C8orf34: variants seen among roughly 807,000 people sequenced by gnomAD.
The protein encoded by C8orf34 is uncharacterized protein C8orf34.
In C8orf34, 65 loss-of-function variants were observed where a neutral mutation model predicts 68.3. That is an observed-to-expected ratio of 0.95 (90% CI 0.78 to 1.17). The LOEUF (loss-of-function observed/expected upper bound fraction) is 1.17, where lower values mean the gene tolerates loss of function less well. Ranked by LOEUF, C8orf34 falls within the 50% of genes most tolerant of loss-of-function variation. C8orf34 has a pLI of 0.00. For synonymous variants in C8orf34, 244 were observed against 241.2 expected (o/e 1.01, Z -0.11); for missense variants, 664 against 655.4 (o/e 1.01, Z -0.14).
intron 3 of C8orf34, among the ~76,000 whole-genome samples, chr8:68,463,937 G>T (rs1409761732): frequency 6.6e-6 from 1 of 152,130 alleles, no homozygotes; most frequent in Non-Finnish European, 1.5e-5. Flanking sequence ...GGAAGTTCTG[G>T]CCAGGGCAAT....
chr8:68,482,500 C>G (rs970410200), intron 4 of C8orf34, among the ~76,000 whole-genome samples: 10 of 152,126 alleles, frequency 6.6e-5, no homozygotes, highest in Admixed American at 2.0e-4. Context: ...GTCTCGAACT[C>G]CTGAGTTCAA....
intron 12 of C8orf34, among the ~76,000 whole-genome samples, chr8:68,804,965 G>T (rs1001039277): frequency 2.6e-5 from 4 of 152,164 alleles, no homozygotes; most frequent in African/African-American, 9.7e-5. Flanking sequence ...GAATTCTGTT[G>T]ATATAGACCA....
intron 6 of C8orf34, among the ~76,000 whole-genome samples, chr8:68,531,389 G>C (rs112083265): frequency 3.2e-4 from 48 of 151,990 alleles, no homozygotes; most frequent in African/African-American, 1.1e-3. Context: ...TCTGCCTTTT[G>C]TTTCTTTTTT....
chr8:68,400,550 T>C (rs1808905503), intron 1 of C8orf34, among the ~76,000 whole-genome samples: 2 of 152,076 alleles, frequency 1.3e-5, no homozygotes, highest in Non-Finnish European at 1.5e-5. Context: ...GATCTATGTG[T>C]CTGTTTGTCT....
In C8orf34 at chr8:68,333,683, AT is replaced by A. The variant is rs144153129; in HGVS notation, c.327+2347del. ...TACTCAATAGTTTTCACAGGAATTG[AT>A]TTGGGTCAGAGGAGGTGCCCAGCAA... On this transcript the variant is annotated intron_variant, in intron 1 of 13. Coordinates refer to ENST00000518698, the MANE Select transcript of C8orf34 (RefSeq NM_052958.4). Among the ~76,000 whole-genome samples the A allele has an allele frequency of 7.8e-3, 1,188 of 152,296 alleles. 18 individuals carry two copies. The highest frequency in any genetic ancestry group is 0.026 in the African/African-American group (1,099 of 41,562).
In C8orf34 at chr8:68,396,712, C is replaced by CAAAAAAAA. The variant is rs56946858; in HGVS notation, c.328-42765_328-42758dup. On this transcript the variant is annotated intron_variant, in intron 1 of 13. Coordinates refer to ENST00000518698, the MANE Select transcript of C8orf34 (RefSeq NM_052958.4). Reference sequence around the variant, plus strand: ...ATTAGTTCCTGCAAAAGCTGCTTGTCAAAAAAAAAAAAAAAAAAAAAAAAA... The same window carrying CAAAAAAAA: ...ATTAGTTCCTGCAAAAGCTGCTTGTCAAAAAAAAAAAAAAAAAAAAAAAAAAAAAAAAA... Among the ~76,000 whole-genome samples the CAAAAAAAA allele has an allele frequency of 6.4e-4, 12 of 18,700 alleles. 1 individual carries two copies. Among genetic ancestry groups the CAAAAAAAA allele is most frequent in the Non-Finnish European group, 9.3e-4 (9 of 9,698 alleles). 12.3% of individuals were successfully genotyped at this position (18,700 alleles called of 152,430 possible). A position where few individuals can be genotyped will look rare whatever the true frequency, so the allele number is the denominator to read the frequency against.
chr8:68,653,921 A>G (rs1186981882), intron 8 of C8orf34, among the ~76,000 whole-genome samples: 1 of 152,278 alleles, frequency 6.6e-6, no homozygotes, highest in Non-Finnish European at 1.5e-5. Flanking sequence ...TGACCAAAAA[A>G]TACTCCAAAA....
chr8:68,545,250 C>T (rs947723087), intron 7 of C8orf34, among the ~76,000 whole-genome samples: 1 of 152,054 alleles, frequency 6.6e-6, no homozygotes, highest in East Asian at 1.9e-4. Flanking sequence ...AAGGGGTTTC[C>T]CCTTTCACTT....
At chr8:68,378,563 C>A (rs561590404) in intron 1 of C8orf34, among the ~76,000 whole-genome samples, 1 of 152,150 alleles carries the variant, frequency 6.6e-6, no homozygotes, top group Non-Finnish European at 1.5e-5. Flanking sequence ...GCTGGGATTA[C>A]GTGCGTGAGC....
At chr8:68,796,905 C>T (rs1406254138) in intron 12 of C8orf34, among the ~76,000 whole-genome samples, 1 of 150,534 alleles carries the variant, frequency 6.6e-6, no homozygotes, top group African/African-American at 2.5e-5. Flanking sequence ...CGGCTCACTG[C>T]AACCTCTGCC....
chr8:68,527,907 G>A (rs1815081329), intron 6 of C8orf34, among the ~76,000 whole-genome samples: 1 of 152,168 alleles, frequency 6.6e-6, no homozygotes, highest in Non-Finnish European at 1.5e-5. Context: ...AGGATCCACA[G>A]GCTGTGGGGC....
chr8:68,619,444 C>A (rs1818324735), intron 7 of C8orf34, among the ~76,000 whole-genome samples: 1 of 152,050 alleles, frequency 6.6e-6, no homozygotes, highest in Non-Finnish European at 1.5e-5. Context: ...CTGTAATAAA[C>A]AAGGCATGCA....
At chr8:68,680,998 G>T (rs910918978) in intron 8 of C8orf34, among the ~76,000 whole-genome samples, 14 of 152,076 alleles carry the variant, frequency 9.2e-5, no homozygotes, top group African/African-American at 3.4e-4. Context: ...GCTAGGAAAA[G>T]AATTTAGTGA....
At chr8:68,446,592 C>A (rs1811135399) in intron 3 of C8orf34, 132 bp downstream of exon 3, 2 of 886,310 alleles carry the variant, frequency 2.3e-6, no homozygotes, top group Non-Finnish European at 1.7e-6. Flanking sequence ...GTGAATTTCA[C>A]TTTTACTCCG....
intron 1 of C8orf34, among the ~76,000 whole-genome samples, chr8:68,350,114 T>A (rs1806448739): frequency 6.6e-6 from 1 of 152,040 alleles, no homozygotes; most frequent in Non-Finnish European, 1.5e-5. Context: ...AGCTATGAAT[T>A]TCGCTCTTAA....
intron 10 of C8orf34, among the ~76,000 whole-genome samples, chr8:68,755,156 A>T (rs1430005372): frequency 6.6e-6 from 1 of 152,196 alleles, no homozygotes. Flanking sequence ...TGTACTAAGC[A>T]TGTATAAGAT....
chr8:68,468,110 C>T (rs1812226239), intron 3 of C8orf34, among the ~76,000 whole-genome samples: 1 of 151,912 alleles, frequency 6.6e-6, no homozygotes, highest in South Asian at 2.1e-4. Flanking sequence ...TTTCAGTTTT[C>T]TTTGCCTTGC....
At chr8:68,502,608 AG>A (rs1813828778) in intron 5 of C8orf34, among the ~76,000 whole-genome samples, 1 of 152,178 alleles carries the variant, frequency 6.6e-6, no homozygotes, top group Non-Finnish European at 1.5e-5. Context: ...GTAAAAGTGG[AG>A]GGAAAAAAAT....
At chr8:68,527,132 G>A (rs1815032355) in intron 6 of C8orf34, among the ~76,000 whole-genome samples, 1 of 152,176 alleles carries the variant, frequency 6.6e-6, no homozygotes, top group Admixed American at 6.5e-5. Flanking sequence ...TTCTCTTGAT[G>A]TGGGATATTA....
Sources: gnomAD v4.1 joint callset for allele counts (sites outside exome capture counted in the v4.1 genomes callset) on GRCh38, gnomAD v4.1.1 for gene constraint, MANE v1.5 for transcripts, NCBI Gene and HGNC (gene_info 2026-07-23, HGNC 2026-07-21) for gene names.